The following COL24A1 variants were observed in gnomAD, a reference collection of about 807,000 sequenced individuals.
COL24A1 encodes the protein collagen alpha-1(XXIV) chain.
Under a neutral mutation model 253.9 loss-of-function variants are expected in COL24A1, and 224 were observed. The ratio of observed to expected loss-of-function variants is 0.88; its 90% CI spans 0.79 to 0.99. The LOEUF is 0.99. Among genes scored for constraint, COL24A1 ranks in the 50% least tolerant of loss-of-function variants. The pLI, the probability that COL24A1 is intolerant of heterozygous loss-of-function variation, is 0.00. For synonymous variants in COL24A1, 685 were observed against 673.7 expected (o/e 1.02, Z -0.26); for missense variants, 2,131 against 2,068.5 (o/e 1.03, Z -0.59).
chr1:85,881,597 C>T (rs1423162029), intron 32 of COL24A1, among the ~76,000 whole-genome samples: 1 of 152,058 alleles, frequency 6.6e-6, no homozygotes, highest in East Asian at 1.9e-4. Context: ...TGCATTCCAG[C>T]CTGGGTGACA....
chr1:85,927,089 G>C (rs978234235), intron 24 of COL24A1, among the ~76,000 whole-genome samples: 1 of 151,896 alleles, frequency 6.6e-6, no homozygotes, highest in Admixed American at 6.6e-5. Flanking sequence ...CAAGACGGCC[G>C]AATAGGAACA....
At chr1:85,904,088 C>A (rs1293072313) in intron 28 of COL24A1, among the ~76,000 whole-genome samples, 2 of 152,090 alleles carry the variant, frequency 1.3e-5, no homozygotes, top group East Asian at 3.9e-4. Context: ...TTTCTATAGG[C>A]AGATCAATTT....
At position 86,063,722 on chromosome 1, in the gene COL24A1, C is replaced by T. The variant is rs753255484; in HGVS notation, c.1745G>A (p.Gly582Asp). 1.3e-6 allele frequency: 2 copies of T among 1,551,196 alleles called. No homozygotes were observed. Among genetic ancestry groups the T allele is most frequent in the Non-Finnish European group, 1.7e-6 (2 of 1,147,930 alleles). The stretch of plus-strand genomic sequence containing the variant: ...TATAAAGGAAGTACCTACTTGTTCA[C>T]CTGGAAGTCCTGGGAGTCCAGGATG... ...KGHPGLPGLP[G>D]EQGIPGFAGN... The change falls in exon 8 of 60, where the codon GGT (glycine) becomes GAT (aspartate). Residue 582 changes from glycine (G) to aspartate (D), a missense_variant. By Grantham distance (94) the Gly-to-Asp change is moderately conservative. Transcript: ENST00000370571.
At chr1:86,078,482 AG>A (rs1702412075) in intron 7 of COL24A1, among the ~76,000 whole-genome samples, 1 of 152,190 alleles carries the variant, frequency 6.6e-6, no homozygotes, top group Admixed American at 6.6e-5. Flanking sequence ...AAAAAAATAA[AG>A]GGCATCCAAA....
At chr1:85,771,445 G>A (rs1299020442) in intron 53 of COL24A1, among the ~76,000 whole-genome samples, 1 of 152,098 alleles carries the variant, frequency 6.6e-6, no homozygotes, top group East Asian at 1.9e-4. Context: ...CCTTTTTTAT[G>A]GCTGCATAGT....
intron 28 of COL24A1, among the ~76,000 whole-genome samples, chr1:85,901,852 A>C: frequency 6.7e-6 from 1 of 149,886 alleles, no homozygotes; most frequent in Middle Eastern, 3.4e-3. Flanking sequence ...AAAAAAAAGA[A>C]CTACCATACA....
At chr1:85,754,532 T>A (rs1255620745) in intron 55 of COL24A1, among the ~76,000 whole-genome samples, 129 of 39,504 alleles carry the variant, frequency 3.3e-3, no homozygotes, top group Non-Finnish European at 3.8e-3. Flanking sequence ...AAACTTAGAG[T>A]ATAATAAAAA....
At chr1:86,080,425 A>G (rs1702547339) in intron 7 of COL24A1, among the ~76,000 whole-genome samples, 1 of 152,194 alleles carries the variant, frequency 6.6e-6, no homozygotes, top group African/African-American at 2.4e-5. Flanking sequence ...TTTAAAATAA[A>G]TAGAGTATCA....
At chr1:85,940,201 G>T (rs1571302071) in intron 24 of COL24A1, among the ~76,000 whole-genome samples, 1 of 75,126 alleles carries the variant, frequency 1.3e-5, no homozygotes, top group African/African-American at 4.1e-5. Flanking sequence ...TCAGGAGATC[G>T]AGACCATCCT....
chr1:85,755,090 A>G (rs1194813841), intron 55 of COL24A1, among the ~76,000 whole-genome samples: 1 of 152,178 alleles, frequency 6.6e-6, no homozygotes, highest in East Asian at 1.9e-4. Flanking sequence ...CTTCAACCAG[A>G]TTAACAGCTA....
chr1:85,883,147 GCTT>G (rs1329102475), intron 32 of COL24A1, among the ~76,000 whole-genome samples: 3 of 151,848 alleles, frequency 2.0e-5, no homozygotes, highest in East Asian at 1.9e-4. Flanking sequence ...ATTCTTTATT[GCTT>G]CTTCTTCTTT....
chr1:85,962,378 G>A (rs1002066237), intron 23 of COL24A1, among the ~76,000 whole-genome samples: 2 of 152,084 alleles, frequency 1.3e-5, no homozygotes, highest in African/African-American at 4.8e-5. Context: ...AGCTTATTTT[G>A]TTCTGAATAA....
intron 5 of COL24A1, among the ~76,000 whole-genome samples, chr1:86,095,693 C>A (rs1003841525): frequency 1.3e-5 from 2 of 151,980 alleles, no homozygotes; most frequent in Non-Finnish European, 2.9e-5. Context: ...CTTATAAATT[C>A]ATTAATTAAT....
At chr1:85,924,372 G>C (rs963971225) in intron 24 of COL24A1, among the ~76,000 whole-genome samples, 4 of 152,120 alleles carry the variant, frequency 2.6e-5, no homozygotes, top group African/African-American at 9.7e-5. Context: ...AACAAAAAAA[G>C]AGAATTTTAG....
At chr1:85,829,656 G>A (rs956930236) in intron 43 of COL24A1, among the ~76,000 whole-genome samples, 22 of 151,634 alleles carry the variant, frequency 1.5e-4, no homozygotes, top group African/African-American at 2.2e-4. Context: ...TTCCCTTCTC[G>A]CTTCATTTCA....
At chr1:85,744,171 G>A (rs1664953451) in intron 57 of COL24A1, among the ~76,000 whole-genome samples, 1 of 151,952 alleles carries the variant, frequency 6.6e-6, no homozygotes, top group African/African-American at 2.4e-5. Flanking sequence ...TCTGGCTAAT[G>A]AAATCGGGGC....
intron 47 of COL24A1, among the ~76,000 whole-genome samples, chr1:85,795,735 A>C (rs1249951815): frequency 6.6e-6 from 1 of 152,112 alleles, no homozygotes; most frequent in Non-Finnish European, 1.5e-5. Flanking sequence ...TAATAAGAAA[A>C]ATTAATTTAA....
intron 7 of COL24A1, among the ~76,000 whole-genome samples, chr1:86,086,171 A>G (rs903666958): frequency 6.6e-6 from 1 of 152,168 alleles, no homozygotes; most frequent in Admixed American, 6.5e-5. Context: ...TGTCATCCAA[A>G]ACTATATTTG....
At chr1:85,937,170 A>G (rs916979828) in intron 24 of COL24A1, among the ~76,000 whole-genome samples, 1 of 147,772 alleles carries the variant, frequency 6.8e-6, no homozygotes, top group African/African-American at 2.5e-5. Context: ...CTTCTTACGT[A>G]GGTGCAAACT....
Sources: allele counts gnomAD v4.1 joint callset (sites outside exome capture counted in the v4.1 genomes callset), GRCh38; gene constraint gnomAD v4.1.1; transcripts MANE v1.5; gene names NCBI Gene and HGNC (gene_info 2026-07-23, HGNC 2026-07-21).